The following GABRB1 variants were observed in gnomAD, a reference collection of about 807,000 sequenced individuals.
GABRB1 encodes the protein gamma-aminobutyric acid receptor subunit beta-1.
A neutral mutation model predicts 51.6 loss-of-function variants in GABRB1; 17 were observed. The ratio of observed to expected loss-of-function variants is 0.33; its 90% CI spans 0.23 to 0.49. GABRB1 has a LOEUF of 0.49. Ranked by LOEUF, GABRB1 falls within the 20% of genes least tolerant of loss-of-function variation. The probability of loss-of-function intolerance (pLI) is 0.99; values close to 1 mark genes in which losing one functional copy is unlikely to be tolerated. For missense variants in GABRB1, 410 were observed against 600.6 expected (o/e 0.68, Z 3.32); for synonymous variants, 247 against 218.9 (o/e 1.13, Z -1.14).
chr4:46,994,481 TGTGAGA>T (rs1723911298), intron 1 of GABRB1: 3 of 147,760 alleles, frequency 2.0e-5, no homozygotes, highest in South Asian at 4.6e-4. Context: ...TGTGTGTGTG[TGTGAGA>T]GAGAGAGAGA....
chr4:47,295,276 G>A, intron 4 of GABRB1, among the ~76,000 whole-genome samples: 1 of 152,250 alleles, frequency 6.6e-6, no homozygotes, highest in Non-Finnish European at 1.5e-5. Flanking sequence ...TTGACGAGTT[G>A]AGAGGAGAAG....
At chr4:47,162,033 A>C (rs1717976508) in intron 4 of GABRB1, among the ~76,000 whole-genome samples, 1 of 152,112 alleles carries the variant, frequency 6.6e-6, no homozygotes, top group Non-Finnish European at 1.5e-5. Flanking sequence ...TCATTTGCAC[A>C]GTAAAATAAC....
intron 3 of GABRB1, among the ~76,000 whole-genome samples, chr4:47,042,460 T>C (rs531935564): frequency 1.7e-3 from 254 of 146,136 alleles, no homozygotes; most frequent in Non-Finnish European, 2.1e-3. Flanking sequence ...TGTGAGTATG[T>C]GCACAGTATA....
intron 4 of GABRB1, among the ~76,000 whole-genome samples, chr4:47,239,575 C>T (rs1443302076): frequency 6.6e-6 from 1 of 152,178 alleles, no homozygotes; most frequent in Non-Finnish European, 1.5e-5. Flanking sequence ...CTAGAAATGG[C>T]AAGTTTGCAA....
intron 3 of GABRB1, among the ~76,000 whole-genome samples, chr4:47,083,304 A>G (rs1313979237): frequency 6.6e-6 from 1 of 152,140 alleles, no homozygotes; most frequent in Non-Finnish European, 1.5e-5. Flanking sequence ...GCTTCTTATT[A>G]CATATTTTAG....
At chr4:47,400,921 CTTTT>C (rs71195629) in intron 5 of GABRB1, among the ~76,000 whole-genome samples, 51 of 98,568 alleles carry the variant, frequency 5.2e-4, no homozygotes, top group Admixed American at 1.7e-3. Context: ...TTGTTCTTCT[CTTTT>C]TTTTTTTTTT....
At chr4:47,311,984 G>A (rs1172790114) in intron 4 of GABRB1, among the ~76,000 whole-genome samples, 1 of 151,708 alleles carries the variant, frequency 6.6e-6, no homozygotes, top group Non-Finnish European at 1.5e-5. Flanking sequence ...AGGATAAGAA[G>A]TTCAGCCCCT....
At chr4:47,075,657 T>A (rs1727514797) in intron 3 of GABRB1, among the ~76,000 whole-genome samples, 1 of 152,204 alleles carries the variant, frequency 6.6e-6, no homozygotes, top group African/African-American at 2.4e-5. Flanking sequence ...CAGAAATCTT[T>A]AAGGTTTTTG....
chr4:47,301,123 C>T (rs1724242658), intron 4 of GABRB1, among the ~76,000 whole-genome samples: 1 of 152,034 alleles, frequency 6.6e-6, no homozygotes, highest in Non-Finnish European at 1.5e-5. Context: ...ATTCAGTCAG[C>T]AAACTTAGGT....
chr4:47,014,454 A>T (rs920653304), intron 1 of GABRB1, among the ~76,000 whole-genome samples: 1 of 152,054 alleles, frequency 6.6e-6, no homozygotes, highest in African/African-American at 2.4e-5. Context: ...ATGTTTTATA[A>T]AGCAAATTTT....
At chr4:47,210,700 C>T (rs1380267377) in intron 4 of GABRB1, among the ~76,000 whole-genome samples, 4 of 151,954 alleles carry the variant, frequency 2.6e-5, no homozygotes, top group African/African-American at 9.7e-5. Flanking sequence ...ATCAAAATGC[C>T]TTTATTAAAT....
At chr4:47,277,424 G>A (rs114591437) in intron 4 of GABRB1, among the ~76,000 whole-genome samples, 25,309 of 149,972 alleles carry the variant, frequency 0.17, 2,215 homozygotes, top group Non-Finnish European at 0.2. Flanking sequence ...AAAATAGAAA[G>A]AATGAATAAG....
At chr4:47,388,665 A>G (rs1727881142) in intron 5 of GABRB1, among the ~76,000 whole-genome samples, 1 of 152,206 alleles carries the variant, frequency 6.6e-6, no homozygotes, top group Admixed American at 6.5e-5. Flanking sequence ...CAGATAACCC[A>G]AAAAGTGGTA....
intron 3 of GABRB1, among the ~76,000 whole-genome samples, chr4:47,070,032 T>C (rs1727254436): frequency 6.6e-6 from 1 of 151,904 alleles, no homozygotes; most frequent in South Asian, 2.1e-4. Flanking sequence ...TGCTGTTTTT[T>C]TTTTTCTTTT....
At chr4:47,171,479 T>C (rs1224657220) in intron 4 of GABRB1, among the ~76,000 whole-genome samples, 1 of 152,114 alleles carries the variant, frequency 6.6e-6, no homozygotes, top group Admixed American at 6.5e-5. Context: ...CTCATCTTAT[T>C]TCATTAAACC....
intron 3 of GABRB1, among the ~76,000 whole-genome samples, chr4:47,134,935 A>C (rs1026304745): frequency 2.0e-5 from 3 of 152,166 alleles, no homozygotes; most frequent in Non-Finnish European, 2.9e-5. Flanking sequence ...TGGGCAACAT[A>C]GTGAGACTTC....
chr4:47,425,553 C>A (rs1458717452), intron 8 of GABRB1, 121 bp from the exon 9 acceptor site: 1 of 730,648 alleles, frequency 1.4e-6, no homozygotes, highest in Non-Finnish European at 2.3e-6. Context: ...GGAGGCACAT[C>A]AAGCCAGATG....
At chr4:47,011,064 T>C (rs1156793060) in intron 1 of GABRB1, among the ~76,000 whole-genome samples, 2 of 152,134 alleles carry the variant, frequency 1.3e-5, no homozygotes, top group Non-Finnish European at 2.9e-5. Flanking sequence ...GTGAATAAGT[T>C]TTAGTCAAAG....
At chr4:47,204,264 CTCTG>C (rs1345220844) in intron 4 of GABRB1, among the ~76,000 whole-genome samples, 17 of 152,120 alleles carry the variant, frequency 1.1e-4, no homozygotes, top group African/African-American at 4.1e-4. Context: ...ACTGCAATTT[CTCTG>C]TCTGTATTTG....
Sources: gnomAD v4.1 joint callset for allele counts (sites outside exome capture counted in the v4.1 genomes callset) on GRCh38, gnomAD v4.1.1 for gene constraint, MANE v1.5 for transcripts, NCBI Gene and HGNC (gene_info 2026-07-23, HGNC 2026-07-21) for gene names.